Variants in UST observed in about 807,000 individuals in gnomAD.
The protein encoded by UST is chondroitin sulfate 2-O-sulfotransferase.
Under a neutral mutation model 45.6 loss-of-function variants are expected in UST, and 21 were observed. The ratio of observed to expected loss-of-function variants is 0.46; its 90% confidence interval spans 0.33 to 0.66. UST has a LOEUF of 0.66. Ranked by LOEUF, UST falls within the 30% of genes least tolerant of loss-of-function variation. The pLI is 0.02. For synonymous variants in UST, 215 were observed against 200.6 expected, an observed-to-expected ratio of 1.07 and a Z score of -0.61; for missense variants, 463 against 512.4, an observed-to-expected ratio of 0.90 and a Z score of 0.93.
intron 2 of UST, among the ~76,000 whole-genome samples, chr6:148,919,014 G>T (rs538475591): frequency 6.6e-6 from 1 of 152,196 alleles, no homozygotes; most frequent in African/African-American, 2.4e-5. Context: ...CACCATCTTT[G>T]CATGGCTGTT....
At chr6:148,894,285 T>A (rs1779076485) in intron 2 of UST, among the ~76,000 whole-genome samples, 1 of 152,172 alleles carries the variant, frequency 6.6e-6, no homozygotes, top group African/African-American at 2.4e-5. Context: ...AACCCCAGAA[T>A]CTGTGAGTGG....
chr6:149,018,686 A>G (rs1287019284), intron 5 of UST, among the ~76,000 whole-genome samples: 1 of 152,224 alleles, frequency 6.6e-6, no homozygotes, highest in African/African-American at 2.4e-5. Flanking sequence ...TAAAATTTGC[A>G]AACTCTTATG....
At chr6:148,814,968 G>A (rs1777328641) in intron 1 of UST, among the ~76,000 whole-genome samples, 1 of 152,148 alleles carries the variant, frequency 6.6e-6, no homozygotes, top group South Asian at 2.1e-4. Flanking sequence ...GTGTGCATAT[G>A]TGAATGATAG....
At chr6:149,040,057 C>T (rs1350797785) in intron 7 of UST, among the ~76,000 whole-genome samples, 1 of 152,176 alleles carries the variant, frequency 6.6e-6, no homozygotes, top group Non-Finnish European at 1.5e-5. Flanking sequence ...CCTCCACCAC[C>T]CCCAGATCTG....
At chr6:148,881,546 C>T (rs955258756) in intron 1 of UST, among the ~76,000 whole-genome samples, 3 of 152,172 alleles carry the variant, frequency 2.0e-5, no homozygotes, top group African/African-American at 7.2e-5. Flanking sequence ...TGGGTATAGA[C>T]AGGACATGTG....
chr6:149,016,623 A>G (rs1187671275), intron 5 of UST, among the ~76,000 whole-genome samples: 1 of 152,212 alleles, frequency 6.6e-6, no homozygotes, highest in Non-Finnish European at 1.5e-5. Context: ...TACTTGCTCA[A>G]GGGCAGCTCT....
At chr6:148,876,652 T>G (rs117866421) in intron 1 of UST, among the ~76,000 whole-genome samples, 30 of 152,248 alleles carry the variant, frequency 2.0e-4, no homozygotes, top group Non-Finnish European at 3.7e-4. Flanking sequence ...TGCATAAGCG[T>G]GATTGTGTCT....
intron 7 of UST, 32 bp downstream of exon 7, chr6:149,021,513 T>G (rs186977671): frequency 4.3e-5 from 69 of 1,612,344 alleles, no homozygotes; most frequent in Non-Finnish European, 2.8e-5. Context: ...CTCTTCTCCA[T>G]GAGAGGTCTG....
At chr6:149,055,493 C>G (rs997950555) in intron 7 of UST, among the ~76,000 whole-genome samples, 5 of 152,034 alleles carry the variant, frequency 3.3e-5, no homozygotes, top group African/African-American at 1.2e-4. Context: ...ATTGAACACA[C>G]TTTTTAAGAA....
intron 2 of UST, among the ~76,000 whole-genome samples, chr6:148,909,778 T>C (rs1779438685): frequency 6.6e-6 from 1 of 152,194 alleles, no homozygotes; most frequent in South Asian, 2.1e-4. Context: ...GATAAATCTT[T>C]TGCTAGGTAG....
intron 6 of UST, among the ~76,000 whole-genome samples, chr6:149,021,053 C>T (rs1775970735): frequency 1.3e-5 from 2 of 152,208 alleles, no homozygotes; most frequent in African/African-American, 2.4e-5. Flanking sequence ...CATTCGTCCA[C>T]AATACTTAGG....
intron 1 of UST, among the ~76,000 whole-genome samples, chr6:148,859,938 G>A (rs139928125): frequency 0.015 from 2,259 of 152,294 alleles, 49 homozygotes; most frequent in African/African-American, 0.052. Flanking sequence ...GATGCCTCCA[G>A]CTTTGTTCTT....
intron 5 of UST, among the ~76,000 whole-genome samples, chr6:148,992,626 G>T (rs1313030177): frequency 1.3e-5 from 2 of 152,102 alleles, no homozygotes; most frequent in Non-Finnish European, 2.9e-5. Context: ...CTTGGTTGTG[G>T]TTGTAGTTTT....
At chr6:148,983,867 C>T (rs1367297957) in intron 5 of UST, among the ~76,000 whole-genome samples, 1 of 152,210 alleles carries the variant, frequency 6.6e-6, no homozygotes, top group Admixed American at 6.5e-5. Context: ...GACCAAATCA[C>T]CATAGGAGAC....
At chr6:148,998,678 A>G (rs150733527) in intron 5 of UST, among the ~76,000 whole-genome samples, 64 of 152,322 alleles carry the variant, frequency 4.2e-4, no homozygotes, top group African/African-American at 1.4e-3. Context: ...GGGCCCATCC[A>G]TAAACCCGAC....
At position 148,748,919 on chromosome 6, in the gene UST, GAAAA is replaced by G. The variant is rs1775933547; in HGVS notation, c.247+1243_247+1246del. ...TAGACCGTTTGGAGAAAAGAGAAAA[GAAAA>G]GGAAAAAAAAAAAACCCAAAACAAA... On this transcript the variant is annotated intron_variant, in intron 1 of 7. Coordinates refer to ENST00000367463, the MANE Select transcript of UST (RefSeq NM_005715.3). This position sits in a 1 kb window ranked among gnomAD's most constrained non-coding sequence, Gnocchi z 5.3. Among the ~76,000 whole-genome samples the G allele has an allele frequency of 4.4e-5, 6 of 136,538 alleles. No homozygotes were observed. The highest frequency in any genetic ancestry group is 9.5e-5 in the Non-Finnish European group (6 of 63,156). The allele number at this position is 136,538 out of a possible 152,430, so 89.6% of individuals were successfully genotyped here.
chr6:148,975,621 A>G (rs1304968683), intron 5 of UST, among the ~76,000 whole-genome samples: 2 of 152,202 alleles, frequency 1.3e-5, no homozygotes, highest in African/African-American at 4.8e-5. Context: ...ATTTGATCAA[A>G]GAGCCTCACA....
intron 7 of UST, among the ~76,000 whole-genome samples, chr6:149,068,006 A>G (rs957663503): frequency 9.2e-5 from 14 of 152,158 alleles, no homozygotes; most frequent in Non-Finnish European, 1.8e-4. Flanking sequence ...GACTCTGAGT[A>G]TTGGACCCAG....
At chr6:149,010,913 A>AAAAAAAAAAAAAAAAAAATC (rs755674810) in intron 5 of UST, among the ~76,000 whole-genome samples, 1 of 92,968 alleles carries the variant, frequency 1.1e-5, no homozygotes, top group Non-Finnish European at 2.0e-5. Flanking sequence ...AAAAAAAAAA[A>AAAAAAAAAAAAAAAAAAATC]AAAAAACTGT....
Sources: gnomAD v4.1 joint callset for allele counts (sites outside exome capture counted in the v4.1 genomes callset) on GRCh38, gnomAD v4.1.1 for gene constraint, Gnocchi (gnomAD v3.1) non-coding constraint, MANE v1.5 for transcripts, NCBI Gene and HGNC (gene_info 2026-07-23, HGNC 2026-07-21) for gene names.